STX1A: variants seen among roughly 807,000 people sequenced by gnomAD.
STX1A encodes syntaxin 1A.
Under a neutral mutation model 37.8 loss-of-function variants are expected in STX1A, and 4 were observed. The ratio of observed to expected loss-of-function variants is 0.11; its 90% CI spans 0.05 to 0.24. STX1A has a LOEUF of 0.24. STX1A is among the 10% of genes least tolerant of loss of function. The pLI, the probability that STX1A is intolerant of heterozygous loss-of-function variation, is 1.00. For synonymous variants in STX1A, 135 were observed against 147.4 expected, an observed-to-expected ratio of 0.92 and a Z score of 0.61; for missense variants, 251 against 399.9, an observed-to-expected ratio of 0.63 and a Z score of 3.18.
rs782268934 is a variant in STX1A at position 73,709,832 on chromosome 7, G to A, written c.31-710C>T. On this transcript the variant is annotated intron_variant, in intron 1 of 9. Transcript: ENST00000222812. The surrounding 1 kb of genome is among the most constrained non-coding windows in gnomAD (Gnocchi z 4.2). ...CTGGGCACCACTAAACCCCAGTCCC[G>A]AGGTGGCACGGATCAGATCTCTTAG... Among the ~76,000 whole-genome samples the A allele has an allele frequency of 6.6e-6, 1 of 152,204 alleles. No homozygotes were observed. The highest frequency in any genetic ancestry group is 1.5e-5 in the Non-Finnish European group (1 of 68,040).
intron 1 of STX1A, among the ~76,000 whole-genome samples, chr7:73,710,249 T>C (rs938026286): frequency 2.6e-5 from 4 of 152,242 alleles, no homozygotes; most frequent in Non-Finnish European, 4.4e-5. Flanking sequence ...CTTCCCAGCA[T>C]GCTGCGCACA....
chr7:73,710,708 A>T (rs572137805), intron 1 of STX1A, among the ~76,000 whole-genome samples: 57 of 152,230 alleles, frequency 3.7e-4, no homozygotes, highest in Non-Finnish European at 7.1e-4. Context: ...TACAGGCGTG[A>T]ACCACCACAT....
intron 1 of STX1A, among the ~76,000 whole-genome samples, chr7:73,718,970 C>CA (rs1563582876): frequency 6.6e-6 from 1 of 151,920 alleles, no homozygotes; most frequent in Non-Finnish European, 1.5e-5. Context: ...CGCCCCCCCC[C>CA]CCATACCTGG....
At chr7:73,707,627 G>A (rs782614529) in intron 3 of STX1A, among the ~76,000 whole-genome samples, 6 of 152,016 alleles carry the variant, frequency 3.9e-5, no homozygotes, top group African/African-American at 9.7e-5. Flanking sequence ...AAGCCAGTTC[G>A]AAATGAAAAA....
intron 8 of STX1A, chr7:73,701,103 G>C (rs1288448586): frequency 1.6e-6 from 1 of 639,178 alleles, no homozygotes; most frequent in African/African-American, 1.8e-5. Flanking sequence ...CTGAGGGTTG[G>C]GGACCATGCA....
Position 73,700,573 on chromosome 7 carries a change from G to T in STX1A, c.790-89C>A, listed in dbSNP as rs1266108149. ...GCAAAGGCTGAGGACTGGACAGTCG[G>T]GGGGGATCCAAGCAGGGGAAGGTGA... is the stretch of plus-strand genomic sequence containing the variant. On this transcript the variant is annotated intron_variant, in intron 9 of 9. Coordinates refer to ENST00000222812, the MANE Select transcript of STX1A (RefSeq NM_004603.4). This position sits in a 1 kb window ranked among gnomAD's most constrained non-coding sequence, Gnocchi z 4.4. The T allele has an allele frequency of 3.3e-6, 5 of 1,537,922 alleles. No homozygotes were observed. Among genetic ancestry groups the T allele is most frequent in the East Asian group, 2.4e-5 (1 of 42,316 alleles).
At position 73,700,952 on chromosome 7, in the gene STX1A, TGAG is replaced by T. The variant is rs1554615805; in HGVS notation, c.679-115_679-113del. 5.2e-6 allele frequency: 8 copies of T among 1,542,796 alleles called. No individual in the cohort carries two copies. The highest frequency in any genetic ancestry group is 1.4e-5 in the African/African-American group (1 of 73,374). On this transcript the variant is annotated intron_variant, in intron 8 of 9. Coordinates refer to ENST00000222812, the MANE Select transcript of STX1A (RefSeq NM_004603.4). This position sits in a 1 kb window ranked among gnomAD's most constrained non-coding sequence, Gnocchi z 4.4. ...TGAGGCTAGAGACAAAAAGGGGGCG[TGAG>T]GAGGTTAGGGTACAGCTTCTCACCT...
chr7:73,716,181 A>G (rs1175887210), intron 1 of STX1A, among the ~76,000 whole-genome samples: 2 of 152,182 alleles, frequency 1.3e-5, no homozygotes, highest in African/African-American at 4.8e-5. Context: ...ATGCTGGGAA[A>G]CCTCTGGAAC....
chr7:73,700,581 C>T lies in STX1A; in HGVS notation c.790-97G>A. ...TGAGGACTGGACAGTCGGGGGGGATCCAAGCAGGGGAAGGTGACGGCCTGG... is the reference window on the plus strand; with the variant it reads ...TGAGGACTGGACAGTCGGGGGGGATTCAAGCAGGGGAAGGTGACGGCCTGG... On this transcript the variant is annotated intron_variant, in intron 9 of 9. Transcript: ENST00000222812. This position sits in a 1 kb window ranked among gnomAD's most constrained non-coding sequence, Gnocchi z 4.4. 1.3e-6 allele frequency: 2 copies of T among 1,523,790 alleles called. No individual in the cohort carries two copies. The highest frequency in any genetic ancestry group is 1.4e-5 in the African/African-American group (1 of 72,676). The allele number at this position is 1,523,790 out of a possible 1,614,324, so 94.4% of individuals were successfully genotyped here.
At chr7:73,703,487 C>T (rs1245185690) in intron 7 of STX1A, 7 of 673,354 alleles carry the variant, frequency 1.0e-5, no homozygotes, top group Non-Finnish European at 1.4e-5. Context: ...AGGAAAAGGG[C>T]CCACGGATAA....
rs1309713719 is a variant in STX1A at position 73,700,271 on chromosome 7, G to A, written c.*136C>T. On this transcript the variant is annotated 3_prime_UTR_variant, in exon 10 of 10. Coordinates refer to ENST00000222812, the MANE Select transcript of STX1A (RefSeq NM_004603.4). This position sits in a 1 kb window ranked among gnomAD's most constrained non-coding sequence, Gnocchi z 4.4. ...GCGGGGACGGAGGGCCCATGGCAGAGAAGGGAGCATGGGGGCCGGGAGGGA... is the reference window on the plus strand; with the variant it reads ...GCGGGGACGGAGGGCCCATGGCAGAAAAGGGAGCATGGGGGCCGGGAGGGA... 1.3e-6 allele frequency: 1 copy of A among 775,380 alleles called. No homozygotes were observed. The highest frequency in any genetic ancestry group is 2.6e-5 in the East Asian group (1 of 37,902). The allele number at this position is 775,380 out of a possible 1,614,324, so 48.0% of individuals were successfully genotyped here.
chr7:73,711,962 A>C (rs1232633593), intron 1 of STX1A, among the ~76,000 whole-genome samples: 1 of 152,108 alleles, frequency 6.6e-6, no homozygotes, highest in Non-Finnish European at 1.5e-5. Context: ...AGAAGGCTGA[A>C]GGCTGGACCA....
Position 73,718,961 on chromosome 7 carries a change from G to GCCCC in STX1A, c.30+637_30+640dup, listed in dbSNP as rs577689799. 2.4e-3 allele frequency among the ~76,000 whole-genome samples: 346 copies of GCCCC among 145,580 alleles called. 4 individuals are homozygous for GCCCC. Among genetic ancestry groups the GCCCC allele is most frequent in the African/African-American group, 8.2e-3 (323 of 39,530 alleles). ...TAGGTGGACCGGGGGCGGGTGTGAC[G>GCCCC]CCCCCCCCCCCATACCTGGGGCGGG... On this transcript the variant is annotated intron_variant, in intron 1 of 9. Transcript: ENST00000222812.
intron 1 of STX1A, among the ~76,000 whole-genome samples, chr7:73,715,504 A>T (rs1351544094): frequency 3.3e-5 from 5 of 151,992 alleles, no homozygotes; most frequent in African/African-American, 1.2e-4. Flanking sequence ...CCTAGCATGG[A>T]GACTGCTAGG....
In STX1A at chr7:73,700,687, A is replaced by G. The variant is rs1554615713; in HGVS notation, c.789+43T>C. On this transcript the variant is annotated intron_variant, in intron 9 of 9. Coordinates refer to ENST00000222812, the MANE Select transcript of STX1A (RefSeq NM_004603.4). This position sits in a 1 kb window ranked among gnomAD's most constrained non-coding sequence, Gnocchi z 4.4. ...GATGTGGGATGGTTGGGGGTCCCTA[A>G]TGGGTGCTGGGGCATGGCCTTGGGC... 6.2e-7 allele frequency: 1 copy of G among 1,610,104 alleles called. No homozygotes were observed. The highest frequency in any genetic ancestry group is 2.2e-5 in the East Asian group (1 of 44,754).
intron 3 of STX1A, among the ~76,000 whole-genome samples, chr7:73,707,355 C>T (rs1189027606): frequency 6.6e-6 from 1 of 152,190 alleles, no homozygotes; most frequent in Non-Finnish European, 1.5e-5. Context: ...TTCCTGGAGC[C>T]CTGAGAATGC....
intron 1 of STX1A, among the ~76,000 whole-genome samples, chr7:73,714,678 G>T (rs1384070965): frequency 6.6e-6 from 1 of 152,022 alleles, no homozygotes; most frequent in Non-Finnish European, 1.5e-5. Flanking sequence ...GGTACTGCAG[G>T]TGTGAGCCCC....
chr7:73,711,790 T>C (rs1554618010), intron 1 of STX1A, among the ~76,000 whole-genome samples: 3 of 152,080 alleles, frequency 2.0e-5, no homozygotes, highest in Non-Finnish European at 4.4e-5. Flanking sequence ...TCCTTTTCCG[T>C]GGCCAGAGAC....
intron 4 of STX1A, chr7:73,704,820 C>T: frequency 1.9e-6 from 1 of 517,548 alleles, no homozygotes; most frequent in Non-Finnish European, 3.5e-6. Context: ...GTGCACGTGT[C>T]TGTTCACCCA....
Sources: gnomAD v4.1 joint callset for allele counts (sites outside exome capture counted in the v4.1 genomes callset) on GRCh38, gnomAD v4.1.1 for gene constraint, Gnocchi (gnomAD v3.1) non-coding constraint, MANE v1.5 for transcripts, NCBI Gene and HGNC (gene_info 2026-07-23, HGNC 2026-07-21) for gene names.